The following GIMAP5 variants were observed in gnomAD, a reference collection of about 807,000 sequenced individuals.
GIMAP5 encodes GTPase IMAP family member 5.
GIMAP5 carries 8 observed loss-of-function variants against 9.9 expected under a neutral mutation model. That is an observed-to-expected ratio of 0.81 (90% CI 0.47 to 1.45). The LOEUF (loss-of-function observed/expected upper bound fraction) is 1.45. GIMAP5 is among the 40% of genes most tolerant of loss of function. The probability of loss-of-function intolerance (pLI) is 0.00; values close to 1 mark genes in which losing one functional copy is unlikely to be tolerated. For synonymous variants in GIMAP5, 174 were observed against 151.4 expected, an observed-to-expected ratio of 1.15 and a Z score of -1.09; for missense variants, 353 against 367.4, an observed-to-expected ratio of 0.96 and a Z score of 0.32.
chr7:150,740,797 A>G (rs746878083), intron 1 of GIMAP5, 82 bp from the exon 2 acceptor site: 16 of 1,291,772 alleles, frequency 1.2e-5, no homozygotes, highest in Non-Finnish European at 1.8e-5. Context: ...TTATTCTTAG[A>G]TGTCTGAATT....
rs1379638687 is a variant in GIMAP5, at chr7:150,742,402, A to G, written c.263A>G (p.Glu88Gly). ...VLVVDTPSIF[E>G]SQADTQELYK... ...GTGGTTGACACGCCCTCCATCTTTG[A>G]GTCACAGGCCGATACCCAAGAGCTG... is the stretch of plus-strand genomic sequence containing the variant. The change falls in exon 3 of 3, where the codon GAG becomes GGG. Residue 88 changes from glutamate to glycine, a missense_variant. Glu to Gly is a moderately conservative substitution (Grantham distance 98, BLOSUM62 -2). Coordinates refer to ENST00000358647, the MANE Select transcript of GIMAP5 (RefSeq NM_018384.5). 1 of 1,614,118 alleles carries G rather than the reference A, an allele frequency of 6.2e-7. No individual in the cohort carries two copies. Among genetic ancestry groups the G allele is most frequent in the Non-Finnish European group, 8.5e-7 (1 of 1,179,984 alleles).
rs1346246751 is a variant in GIMAP5 at position 150,742,221 on chromosome 7, T to A, written c.82T>A (p.Leu28Met). The change falls in exon 3 of 3, where the codon TTG becomes ATG. Residue 28 changes from leucine (L) to methionine (M), a missense_variant. Leu to Met is a conservative substitution (Grantham distance 15, BLOSUM62 2). Coordinates refer to ENST00000358647, the MANE Select transcript of GIMAP5 (RefSeq NM_018384.5). ...EDNLSATPPA[L>M]RIILVGKTGC... Reference sequence around the variant, plus strand: ...TAACTTGTCTGCAACACCACCGGCATTGAGGATTATCCTAGTGGGCAAAAC... The same window carrying A: ...TAACTTGTCTGCAACACCACCGGCAATGAGGATTATCCTAGTGGGCAAAAC... The A allele has an allele frequency of 6.2e-7, 1 of 1,614,026 alleles. No homozygotes were observed. The highest frequency in any genetic ancestry group is 8.5e-7 in the Non-Finnish European group (1 of 1,179,954).
intron 1 of GIMAP5, chr7:150,739,167 T>G (rs1294404756): frequency 6.6e-6 from 1 of 152,252 alleles, no homozygotes; most frequent in Non-Finnish European, 1.5e-5. Context: ...AGGGTAGGCT[T>G]CTAGCTGTCC....
chr7:150,740,240 T>G (rs1797574440), intron 1 of GIMAP5: 1 of 152,360 alleles, frequency 6.6e-6, no homozygotes, highest in Non-Finnish European at 1.5e-5. Context: ...TGATTCTTTC[T>G]CTTCAATCAC....
chr7:150,741,876 G>T (rs192754030), intron 2 of GIMAP5, among the ~76,000 whole-genome samples: 1 of 152,158 alleles, frequency 6.6e-6, no homozygotes, highest in Non-Finnish European at 1.5e-5. Context: ...TAAACACCAC[G>T]CAGGGGAAAA....
rs1797611667 is a variant in GIMAP5, at chr7:150,742,419, C to CAAGA, written c.281_284dup (p.Leu96ArgfsTer69). The CAAGA allele has an allele frequency of 6.2e-7, 1 of 1,613,990 alleles. No individual in the cohort carries two copies. The highest frequency in any genetic ancestry group is 1.1e-5 in the South Asian group (1 of 91,074). On this transcript the variant is annotated frameshift_variant, in exon 3 of 3. Coordinates refer to ENST00000358647, the MANE Select transcript of GIMAP5 (RefSeq NM_018384.5). LOFTEE classifies it high-confidence loss of function. ...CATCTTTGAGTCACAGGCCGATACC[C>CAAGA]AAGAGCTGTACAAGAACATCGGGGA...
intron 1 of GIMAP5, 125 bp downstream of exon 1, chr7:150,737,833 T>A: frequency 1.3e-6 from 1 of 750,180 alleles, no homozygotes; most frequent in Non-Finnish European, 2.2e-6. Context: ...CGCTGGTCAG[T>A]AAAACGGGGC....
In GIMAP5 at chr7:150,742,209, A is replaced by G. The variant is rs2116578905; in HGVS notation, c.70A>G (p.Thr24Ala). 1 of 1,614,050 alleles carries G rather than the reference A, an allele frequency of 6.2e-7. No homozygotes were observed. ...EGRSEDNLSA[T>A]PPALRIILVG... Reference sequence around the variant, plus strand: ...TAGATCAGAAGATAACTTGTCTGCAACACCACCGGCATTGAGGATTATCCT... The same window carrying G: ...TAGATCAGAAGATAACTTGTCTGCAGCACCACCGGCATTGAGGATTATCCT... The change falls in exon 3 of 3, where the codon ACA becomes GCA. Residue 24 changes from threonine to alanine, a missense_variant. Physicochemically the swap from Thr to Ala is moderately conservative, Grantham distance 58 (BLOSUM62 0). Coordinates refer to ENST00000358647, the MANE Select transcript of GIMAP5 (RefSeq NM_018384.5).
intron 1 of GIMAP5, 173 bp from the exon 2 acceptor site, chr7:150,740,706 T>G: frequency 1.6e-6 from 1 of 606,954 alleles, no homozygotes. Flanking sequence ...ATCACCTGCT[T>G]TGTTTAAAGT....
chr7:150,739,925 G>A (rs1395280677), intron 1 of GIMAP5: 1 of 152,140 alleles, frequency 6.6e-6, no homozygotes, highest in East Asian at 1.9e-4. Flanking sequence ...TACCAAAATA[G>A]CAAATAAACC....
intron 1 of GIMAP5, chr7:150,739,077 C>T (rs1444573614): frequency 6.6e-6 from 1 of 152,196 alleles, no homozygotes; most frequent in Non-Finnish European, 1.5e-5. Flanking sequence ...AAACTCCTGC[C>T]ACCAGCAATT....
intron 1 of GIMAP5, 130 bp downstream of exon 1, chr7:150,737,838 C>T (rs539558159): frequency 2.6e-5 from 19 of 730,606 alleles, no homozygotes; most frequent in African/African-American, 1.0e-4. Context: ...GTCAGTAAAA[C>T]GGGGCAATGG....
intron 2 of GIMAP5, 46 bp downstream of exon 2, chr7:150,740,973 A>G (rs372751641): frequency 9.0e-5 from 145 of 1,603,010 alleles, no homozygotes; most frequent in Middle Eastern, 3.3e-4. Context: ...ACTTGGGAGA[A>G]TCACAATTCT....
rs767673563 is a variant in GIMAP5, at chr7:150,742,409, G to A, written c.270G>A (p.Gln90=). ...ACACGCCCTCCATCTTTGAGTCACA[G>A]GCCGATACCCAAGAGCTGTACAAGA... The part of the protein sequence containing the change: ...VVDTPSIFES[Q]ADTQELYKNI... The change falls in exon 3 of 3, where the codon CAG becomes CAA. Residue 90 remains glutamine, a synonymous_variant. Coordinates refer to ENST00000358647, the MANE Select transcript of GIMAP5 (RefSeq NM_018384.5). 2 of 1,613,978 alleles carry A rather than the reference G, an allele frequency of 1.2e-6. No homozygotes were observed. The highest frequency in any genetic ancestry group is 2.2e-5 in the East Asian group (1 of 44,884).
intron 1 of GIMAP5, 39 bp from the exon 2 acceptor site, chr7:150,740,840 G>T (rs9657895): frequency 6.2e-7 from 1 of 1,610,220 alleles, no homozygotes; most frequent in African/African-American, 1.3e-5. Flanking sequence ...GCTCCCAAAC[G>T]TACATCTGCT....
chr7:150,742,150 A>T, intron 2 of GIMAP5, 33 bp from the exon 3 acceptor site: 1 of 1,594,892 alleles, frequency 6.3e-7, no homozygotes, highest in Non-Finnish European at 8.6e-7. Flanking sequence ...AGAATCATTA[A>T]CTTAGTAAGA....
At chr7:150,739,288 C>A (rs1271435099) in intron 1 of GIMAP5, 1 of 152,172 alleles carries the variant, frequency 6.6e-6, no homozygotes, top group Non-Finnish European at 1.5e-5. Flanking sequence ...AAGGACAATA[C>A]ACAGCAAAAG....
chr7:150,740,596 G>T, intron 1 of GIMAP5: 1 of 318,232 alleles, frequency 3.1e-6, no homozygotes, highest in East Asian at 6.0e-5. Flanking sequence ...CTGGTTGGGG[G>T]AGATAATCAA....
At position 150,741,596 on chromosome 7, in the gene GIMAP5, A is replaced by G. The variant is rs187553674; in HGVS notation, c.44-587A>G. ...GTCATCTCCCAGACGCTGCCCTAAC[A>G]TTAACTACAACCTATGTCATCTCAA... On this transcript the variant is annotated intron_variant, in intron 2 of 2. Transcript: ENST00000358647. 4.2e-3 allele frequency among the ~76,000 whole-genome samples: 639 copies of G among 152,292 alleles called. 47 individuals carry two copies. The South Asian group carries it at 0.13, about 30-fold the overall frequency.
Sources: allele counts gnomAD v4.1 joint callset (sites outside exome capture counted in the v4.1 genomes callset), GRCh38; gene constraint gnomAD v4.1.1; transcripts MANE v1.5; gene names NCBI Gene and HGNC (gene_info 2026-07-23, HGNC 2026-07-21).